TTC34: variants seen among roughly 807,000 people sequenced by gnomAD.
TTC34 encodes the protein tetratricopeptide repeat domain 34, also known as tetratricopeptide repeat protein 34.
TTC34 carries 44 observed loss-of-function variants against 40.7 expected under a neutral mutation model. The ratio of observed to expected loss-of-function variants is 1.08; its 90% CI spans 0.85 to 1.39. TTC34 has a LOEUF of 1.39. Among genes scored for constraint, TTC34 ranks in the 40% most tolerant of loss-of-function variants. The probability of loss-of-function intolerance (pLI) is 0.00; values close to 1 mark genes in which losing one functional copy is unlikely to be tolerated. For synonymous variants in TTC34, 422 were observed against 398.6 expected (o/e 1.06, Z -0.70); for missense variants, 884 against 838.0 (o/e 1.05, Z -0.68).
intron 6 of TTC34, among the ~76,000 whole-genome samples, chr1:2,782,619 A>G (rs1418459334): frequency 6.6e-6 from 1 of 152,156 alleles, no homozygotes; most frequent in East Asian, 1.9e-4. Flanking sequence ...GGAAGCATTT[A>G]CAGCTATACA....
intron 6 of TTC34, among the ~76,000 whole-genome samples, chr1:2,646,187 G>A (rs944994448): frequency 2.0e-5 from 3 of 152,210 alleles, no homozygotes; most frequent in South Asian, 4.1e-4. Flanking sequence ...ATTACAATAC[G>A]TAGCCTTACA....
chr1:2,641,306 G>T, exon 9 of TTC34: 1 of 1,441,474 alleles, frequency 6.9e-7, no homozygotes, highest in Non-Finnish European at 9.1e-7. Flanking sequence ...CCCTGGGCCT[G>T]GACATCAGGT....
chr1:2,648,442 C>T (rs1027657968), intron 6 of TTC34, among the ~76,000 whole-genome samples: 1 of 152,152 alleles, frequency 6.6e-6, no homozygotes, highest in Admixed American at 6.5e-5. Context: ...AACTGAATGC[C>T]CAAGATGTTC....
At chr1:2,644,001 C>G (rs1440732463) in intron 8 of TTC34, among the ~76,000 whole-genome samples, 3 of 152,216 alleles carry the variant, frequency 2.0e-5, no homozygotes, top group African/African-American at 7.2e-5. Context: ...GCAAGGTCCT[C>G]TTCCCTCTCT....
intron 6 of TTC34, among the ~76,000 whole-genome samples, chr1:2,683,573 G>A (rs1239611501): frequency 7.1e-6 from 1 of 140,740 alleles, no homozygotes; most frequent in Non-Finnish European, 1.5e-5. Context: ...GCATCCGACA[G>A]CCTGGAACAG....
At chr1:2,752,047 C>A (rs1268137892) in intron 6 of TTC34, among the ~76,000 whole-genome samples, 1 of 112,366 alleles carries the variant, frequency 8.9e-6, no homozygotes, top group African/African-American at 4.0e-5. Context: ...GCAGCACCGA[C>A]ACCCCCAGGC....
exon 3 of TTC34, chr1:2,789,989 A>C (rs1643644239): frequency 2.5e-6 from 1 of 392,950 alleles, no homozygotes; most frequent in African/African-American, 2.1e-5. Flanking sequence ...TGCCAGCAGC[A>C]GGCACTCGGC....
intron 6 of TTC34, among the ~76,000 whole-genome samples, chr1:2,700,140 G>A (rs1228966521): frequency 9.2e-6 from 1 of 108,688 alleles, no homozygotes; most frequent in African/African-American, 2.9e-5. Flanking sequence ...CACCCCAGGT[G>A]AGCATCGGAC....
intron 8 of TTC34, among the ~76,000 whole-genome samples, chr1:2,642,248 G>A (rs1638922184): frequency 6.6e-6 from 1 of 152,096 alleles, no homozygotes; most frequent in Non-Finnish European, 1.5e-5. Context: ...TCCCCTCCTG[G>A]CAGCCCTACC....
At position 2,750,885 on chromosome 1, in the gene TTC34, AC is replaced by A. The variant is rs1476722922; in HGVS notation, c.2226+32723del. 2.8e-5 allele frequency among the ~76,000 whole-genome samples: 3 copies of A among 108,080 alleles called. 1 individual carries two copies. Among genetic ancestry groups the A allele is most frequent in the Non-Finnish European group, 5.3e-5 (3 of 56,156 alleles). The allele number at this position is 108,080 out of a possible 152,430, so 70.9% of individuals were successfully genotyped here. ...TCTGACAGCGTGGAGCAGCACCCAA[AC>A]CCCCAGGCGAGCATCTGAACGCACG... On this transcript the variant is annotated intron_variant, in intron 6 of 8. Coordinates refer to ENST00000401095, the Ensembl canonical transcript of TTC34.
At chr1:2,652,569 AG>A (rs1639185245) in intron 6 of TTC34, among the ~76,000 whole-genome samples, 1 of 85,988 alleles carries the variant, frequency 1.2e-5, no homozygotes, top group African/African-American at 3.8e-5. Context: ...CCACACCCCC[AG>A]GTGAGCATTG....
intron 6 of TTC34, among the ~76,000 whole-genome samples, chr1:2,771,477 T>TGC (rs1642124103): frequency 1.4e-5 from 1 of 69,766 alleles, no homozygotes; most frequent in Non-Finnish European, 2.5e-5. Flanking sequence ...TGGAACAGCA[T>TGC]CCACACCCCC....
At chr1:2,787,966 G>A (rs890890369) in intron 3 of TTC34, among the ~76,000 whole-genome samples, 3 of 152,256 alleles carry the variant, frequency 2.0e-5, no homozygotes, top group African/African-American at 4.8e-5. Context: ...GGCTGACCCT[G>A]TGTGGACCCT....
chr1:2,797,901 A>C (rs1045927037), intron 2 of TTC34, among the ~76,000 whole-genome samples: 1 of 152,010 alleles, frequency 6.6e-6, no homozygotes, highest in East Asian at 1.9e-4. Context: ...ATCTACCCAC[A>C]ATCTCGTCAC....
In TTC34 at chr1:2,694,598, C is replaced by T. The variant is rs1474577814; in HGVS notation, c.2227-49035G>A. ...CTGGAACAGTACCCACACCCACAGG[C>T]GAGCATCTGAAACCACGGAGCAGCA... On this transcript the variant is annotated intron_variant, in intron 6 of 8. Coordinates refer to ENST00000401095, the Ensembl canonical transcript of TTC34. Among the ~76,000 whole-genome samples the T allele has an allele frequency of 5.2e-4, 47 of 90,216 alleles. 6 individuals carry two copies. Among genetic ancestry groups the T allele is most frequent in the African/African-American group, 1.4e-3 (35 of 24,186 alleles). 59.2% of individuals were successfully genotyped at this position (90,216 alleles called of 152,430 possible).
intron 6 of TTC34, among the ~76,000 whole-genome samples, chr1:2,700,160 C>A (rs773848700): frequency 2.0e-5 from 2 of 100,422 alleles, no homozygotes; most frequent in African/African-American, 3.1e-5. Context: ...CATCCTGGAG[C>A]ATCACATACT....
intron 6 of TTC34, among the ~76,000 whole-genome samples, chr1:2,753,459 C>G (rs1181773971): frequency 0.032 from 1,313 of 40,554 alleles, 1 homozygote; most frequent in South Asian, 0.081. Context: ...GCCTGCACCC[C>G]CAGGTGTGCA....
intron 3 of TTC34, among the ~76,000 whole-genome samples, chr1:2,789,128 G>A (rs1643629196): frequency 6.6e-6 from 1 of 152,170 alleles, no homozygotes. Context: ...AGGACTGCTG[G>A]AAGGAGTAGT....
chr1:2,783,709 G>A (rs879807993), exon 6 of TTC34: 59 of 1,545,154 alleles, frequency 3.8e-5, no homozygotes, highest in Middle Eastern at 1.7e-4. Flanking sequence ...GAACATGGCC[G>A]TCTTCTTCTG....
Sources: allele counts gnomAD v4.1 joint callset (sites outside exome capture counted in the v4.1 genomes callset), GRCh38; gene constraint gnomAD v4.1.1; transcripts MANE v1.5; gene names NCBI Gene and HGNC (gene_info 2026-07-23, HGNC 2026-07-21).